The following LZIC variants were observed in gnomAD, a reference collection of about 807,000 sequenced individuals.
The protein encoded by LZIC is protein LZIC.
A neutral mutation model predicts 25.4 loss-of-function variants in LZIC; 28 were observed. The observed-to-expected ratio is 1.10, with a 90% CI of 0.82 to 1.51. The LOEUF (loss-of-function observed/expected upper bound fraction) is 1.51, where lower values mean the gene tolerates loss of function less well. Ranked by LOEUF, LZIC falls within the 40% of genes most tolerant of loss-of-function variation. LZIC has a pLI of 0.00. For synonymous variants in LZIC, 65 were observed against 70.7 expected, an observed-to-expected ratio of 0.92 and a Z score of 0.40; for missense variants, 170 against 211.1, an observed-to-expected ratio of 0.81 and a Z score of 1.21.
chr1:9,925,574 C>A (rs1183459593), downstream of LZIC, among the ~76,000 whole-genome samples: 1 of 152,142 alleles, frequency 6.6e-6, no homozygotes, highest in African/African-American at 2.4e-5. Flanking sequence ...AGCTCTTCAA[C>A]AGTATCGACT....
At chr1:9,923,180 C>T (rs1401149296), downstream of LZIC, among the ~76,000 whole-genome samples, 2 of 152,320 alleles carry the variant, frequency 1.3e-5, no homozygotes, top group East Asian at 3.9e-4. Context: ...ACCATGAATA[C>T]ACAGGCTTCC....
intron 5 of LZIC, among the ~76,000 whole-genome samples, chr1:9,933,192 T>A (rs1640303001): frequency 7.5e-6 from 1 of 133,986 alleles, no homozygotes; most frequent in Non-Finnish European, 1.5e-5. Context: ...GAGGTGGAGC[T>A]TGCAGTGAGC....
Position 9,929,516 on chromosome 1 carries a change from T to C in LZIC, c.*883A>G. 5 of 983,584 alleles carry C rather than the reference T, an allele frequency of 5.1e-6. No homozygotes were observed. Among genetic ancestry groups the C allele is most frequent in the Non-Finnish European group, 6.0e-6 (5 of 829,720 alleles). 60.9% of individuals were successfully genotyped at this position (983,584 alleles called of 1,614,324 possible). A position where few individuals can be genotyped will look rare whatever the true frequency, so the allele number is the denominator to read the frequency against. On this transcript the variant is annotated 3_prime_UTR_variant, in exon 8 of 8. Coordinates refer to ENST00000377223, the MANE Select transcript of LZIC (RefSeq NM_032368.5). ...TGAAGAGTAGATAACAGCTGACAGTTACCCCCCTCTGAGTGTGACAAGAGG... is the reference window on the plus strand; with the variant it reads ...TGAAGAGTAGATAACAGCTGACAGTCACCCCCCTCTGAGTGTGACAAGAGG...
downstream of LZIC, among the ~76,000 whole-genome samples, chr1:9,923,889 A>G (rs1393366447): frequency 6.6e-6 from 1 of 152,070 alleles, no homozygotes; most frequent in Admixed American, 6.6e-5. Context: ...AGTAGCCGGG[A>G]TTACAGGCAT....
At chr1:9,930,729 A>T (rs867836386) in intron 7 of LZIC, among the ~76,000 whole-genome samples, 44 of 152,060 alleles carry the variant, frequency 2.9e-4, no homozygotes, top group Middle Eastern at 3.4e-3. Flanking sequence ...TTATTTATTT[A>T]TTTTTTTGAG....
At chr1:9,925,078 G>A (rs566829110), downstream of LZIC, among the ~76,000 whole-genome samples, 4 of 151,524 alleles carry the variant, frequency 2.6e-5, no homozygotes, top group Non-Finnish European at 5.9e-5. Context: ...TTGGGAGGCC[G>A]AGGTGGGCAG....
intron 2 of LZIC, among the ~76,000 whole-genome samples, chr1:9,939,122 G>A (rs11121502): frequency 3.3e-5 from 5 of 152,004 alleles, no homozygotes; most frequent in African/African-American, 4.8e-5. Flanking sequence ...CTGTCGCCCC[G>A]ACTGGAGTGC....
rs965652954 is a variant in LZIC at position 9,928,349 on chromosome 1, C to T, written c.*2050G>A. Among the ~76,000 whole-genome samples the T allele has an allele frequency of 1.3e-5, 2 of 152,108 alleles. No individual in the cohort carries two copies. The highest frequency in any genetic ancestry group is 2.1e-4 in the South Asian group (1 of 4,808). ...ACAACAACAACAACACAACAACAAA[C>T]GCAGCAATTCCATTCCTAGGTGTAC... On this transcript the variant is annotated 3_prime_UTR_variant, in exon 8 of 8. Transcript: ENST00000377223.
intron 6 of LZIC, 118 bp downstream of exon 6, chr1:9,932,685 G>GAAAAAAA (rs34009055): frequency 2.8e-5 from 8 of 282,928 alleles, no homozygotes; most frequent in South Asian, 4.0e-5. Flanking sequence ...CTCCGTCTCA[G>GAAAAAAA]AAAAAAAAAA....
chr1:9,939,373 CTTT>C (rs371491173), intron 2 of LZIC, among the ~76,000 whole-genome samples: 1 of 133,414 alleles, frequency 7.5e-6, no homozygotes, highest in Non-Finnish European at 1.6e-5. Flanking sequence ...TTTTTTTTTT[CTTT>C]TTTTTTTGAC....
chr1:9,941,500 CTTT>C (rs1217006418), intron 2 of LZIC, among the ~76,000 whole-genome samples: 3 of 132,418 alleles, frequency 2.3e-5, no homozygotes. Flanking sequence ...TAGCCTTTAC[CTTT>C]TTTTTTTTTT....
At chr1:9,932,340 C>T (rs1219754854) in intron 6 of LZIC, among the ~76,000 whole-genome samples, 2 of 141,174 alleles carry the variant, frequency 1.4e-5, no homozygotes, top group Admixed American at 7.2e-5. Flanking sequence ...GGCAAAACTC[C>T]GTCTCAAAAA....
chr1:9,940,295 GC>G (rs1640654463), intron 2 of LZIC, among the ~76,000 whole-genome samples: 1 of 152,010 alleles, frequency 6.6e-6, no homozygotes, highest in Non-Finnish European at 1.5e-5. Flanking sequence ...TCCTGCCTCA[GC>G]CTCCCGAGTA....
At chr1:9,922,695 A>C (rs1256495208), downstream of LZIC, among the ~76,000 whole-genome samples, 1 of 152,238 alleles carries the variant, frequency 6.6e-6, no homozygotes, top group Non-Finnish European at 1.5e-5. Flanking sequence ...CGTTCTTAGG[A>C]AAGAGAGGAA....
chr1:9,926,219 A>G (rs999051292), downstream of LZIC, among the ~76,000 whole-genome samples: 6 of 152,156 alleles, frequency 3.9e-5, no homozygotes, highest in African/African-American at 1.4e-4. Flanking sequence ...GCTGGAAAAC[A>G]TTTTGGAAGG....
rs1294647685 is a variant in LZIC at position 9,926,536 on chromosome 1, T to A, written c.*3863A>T. Among the ~76,000 whole-genome samples, 1 of 152,238 alleles carries A rather than the reference T, an allele frequency of 6.6e-6. No individual in the cohort carries two copies. The highest frequency in any genetic ancestry group is 6.5e-5 in the Admixed American group (1 of 15,274). On this transcript the variant is annotated 3_prime_UTR_variant, in exon 8 of 8. Transcript: ENST00000377223. Reference sequence around the variant, plus strand: ...ACAATTCCTCATTCTGTTACTTGATTTCTTCCTTTACCACCCACATAAAAT... The same window carrying A: ...ACAATTCCTCATTCTGTTACTTGATATCTTCCTTTACCACCCACATAAAAT...
Position 9,938,399 on chromosome 1 carries a change from G to C in LZIC, c.-8-1772C>G, listed in dbSNP as rs532198278. Among the ~76,000 whole-genome samples the C allele has an allele frequency of 2.0e-5, 3 of 152,198 alleles. No homozygotes were observed. The East Asian group carries it at 5.8e-4, about 29-fold the overall frequency. ...AGCTGGTCTTGAACTGGGCTCAAGA[G>C]ATCCTCCCACCTCAGCCTCCCAAAA... On this transcript the variant is annotated intron_variant, in intron 2 of 7. Transcript: ENST00000377223.
chr1:9,925,943 G>C (rs1263536289), downstream of LZIC, among the ~76,000 whole-genome samples: 1 of 133,566 alleles, frequency 7.5e-6, no homozygotes, highest in Non-Finnish European at 1.5e-5. Flanking sequence ...GCCCAGGCTG[G>C]AGTGCAGTTG....
At chr1:9,941,977 CGCGATCTCGGCTCACT>C (rs1640767186) in intron 2 of LZIC, among the ~76,000 whole-genome samples, 1 of 151,968 alleles carries the variant, frequency 6.6e-6, no homozygotes, top group South Asian at 2.1e-4. Context: ...AGTGCAGTGG[CGCGATCTCGGCTCACT>C]GCAACCTCAG....
Sources: gnomAD v4.1 joint callset for allele counts (sites outside exome capture counted in the v4.1 genomes callset) on GRCh38, gnomAD v4.1.1 for gene constraint, MANE v1.5 for transcripts, NCBI Gene and HGNC (gene_info 2026-07-23, HGNC 2026-07-21) for gene names.